DAPK2: variants seen among roughly 807,000 people sequenced by gnomAD.
The protein encoded by DAPK2 is death associated protein kinase 2.
In DAPK2, 35 loss-of-function variants were observed where a neutral mutation model predicts 44.1. The observed-to-expected ratio is 0.79, with a 90% CI of 0.61 to 1.05. DAPK2 has a LOEUF of 1.05. Among genes scored for constraint, DAPK2 ranks in the 50% least tolerant of loss-of-function variants. The pLI is 0.00. For missense variants in DAPK2, 453 were observed against 483.2 expected (o/e 0.94, Z 0.59); for synonymous variants, 174 against 182.6 (o/e 0.95, Z 0.38).
At chr15:63,970,397 A>G (rs947615409) in intron 3 of DAPK2, among the ~76,000 whole-genome samples, 2 of 151,838 alleles carry the variant, frequency 1.3e-5, no homozygotes, top group Non-Finnish European at 2.9e-5. Context: ...TTTCCTACCA[A>G]TCCTTCAGAA....
intron 1 of DAPK2, among the ~76,000 whole-genome samples, chr15:64,036,387 C>A (rs562348222): frequency 1.7e-5 from 2 of 119,408 alleles, no homozygotes; most frequent in East Asian, 5.4e-4. Context: ...GGAAAATGCC[C>A]ATATGCATGC....
chr15:63,951,638 C>T (rs1303839407), intron 3 of DAPK2, among the ~76,000 whole-genome samples: 1 of 152,094 alleles, frequency 6.6e-6, no homozygotes, highest in Non-Finnish European at 1.5e-5. Context: ...ATGGCCAGCT[C>T]CTAGTAGATG....
At position 63,983,653 on chromosome 15, in the gene DAPK2, C is replaced by A; in HGVS notation, c.194G>T (p.Gly65Val). The change falls in exon 2 of 11, where the codon GGT becomes GTT. Residue 65 changes from glycine (G) to valine (V), a missense_variant. Gly to Val is a moderately radical substitution (Grantham distance 109). Coordinates refer to ENST00000261891, the Ensembl canonical transcript of DAPK2. The stretch of plus-strand genomic sequence containing the variant: ...CCGCTCGATCTCCTCCCGGCTCACA[C>A]CGCGCCGGCTCGCCCGGCTCTGCCG... The A allele has an allele frequency of 1.9e-6, 3 of 1,614,194 alleles. No individual in the cohort carries two copies. In the South Asian group the frequency reaches 3.3e-5, roughly 18 times the overall value.
At chr15:63,973,347 G>T (rs74455827) in intron 2 of DAPK2, among the ~76,000 whole-genome samples, 2,363 of 152,360 alleles carry the variant, frequency 0.016, 33 homozygotes, top group Non-Finnish European at 0.021. Context: ...TATGGGCAGG[G>T]TTGCTCAAAG....
chr15:64,007,594 T>G (rs1408398847), intron 1 of DAPK2, among the ~76,000 whole-genome samples: 1 of 152,198 alleles, frequency 6.6e-6, no homozygotes, highest in Non-Finnish European at 1.5e-5. Flanking sequence ...AAAATCCCCT[T>G]GGATAGCTCT....
At chr15:63,959,625 G>A (rs746804122) in intron 3 of DAPK2, among the ~76,000 whole-genome samples, 21 of 152,118 alleles carry the variant, frequency 1.4e-4, no homozygotes, top group Middle Eastern at 3.2e-3. Context: ...TGTGGTTTTC[G>A]TCTTTGGTTC....
intron 1 of DAPK2, among the ~76,000 whole-genome samples, chr15:64,016,883 GGAAGGAAGGAAGGAA>G (rs2079546863): frequency 6.9e-6 from 1 of 145,250 alleles, no homozygotes; most frequent in Admixed American, 6.8e-5. Flanking sequence ...AAGGAAGGAA[GGAAGGAAGGAAGGAA>G]GGACGGACAT....
intron 3 of DAPK2, among the ~76,000 whole-genome samples, chr15:63,942,592 C>A (rs890852843): frequency 2.6e-5 from 4 of 151,180 alleles, no homozygotes; most frequent in Non-Finnish European, 4.4e-5. Context: ...AAAAAACAAA[C>A]AAAAAAAAGA....
rs1256946114 is a variant in DAPK2, at chr15:63,908,783, G to T, written c.1033-183C>A. On this transcript the variant is annotated intron_variant, in intron 10 of 10. Transcript: ENST00000261891. This position sits in a 1 kb window ranked among gnomAD's most constrained non-coding sequence, Gnocchi z 5.7. Reference sequence around the variant, plus strand: ...GGGGGATGGGAGGGATCTGAAACGAGGCCAGACCAACTGCTTGGAGGAAGG... The same window carrying T: ...GGGGGATGGGAGGGATCTGAAACGATGCCAGACCAACTGCTTGGAGGAAGG... The T allele has an allele frequency of 2.3e-6, 1 of 433,992 alleles. No individual in the cohort carries two copies. The highest frequency in any genetic ancestry group is 4.1e-6 in the Non-Finnish European group (1 of 245,854). The allele number at this position is 433,992 out of a possible 1,614,324, so 26.9% of individuals were successfully genotyped here.
At chr15:63,983,827 C>G in intron 1 of DAPK2, 73 bp from the exon 3 acceptor site, 1 of 1,407,270 alleles carries the variant, frequency 7.1e-7, no homozygotes, top group African/African-American at 1.4e-5. Context: ...TGTCAGCTAC[C>G]AGGTCACACA....
At chr15:64,026,397 C>A (rs1351080796) in intron 1 of DAPK2, among the ~76,000 whole-genome samples, 1 of 152,114 alleles carries the variant, frequency 6.6e-6, no homozygotes, top group Non-Finnish European at 1.5e-5. Context: ...GCGCATGCCA[C>A]CACACCAGGC....
chr15:63,943,795 G>C (rs914737959), intron 3 of DAPK2, among the ~76,000 whole-genome samples: 2 of 152,156 alleles, frequency 1.3e-5, no homozygotes, highest in Non-Finnish European at 2.9e-5. Context: ...AGAATTGCTT[G>C]AACCCGGGAA....
chr15:64,010,449 C>A (rs1287082080), intron 1 of DAPK2, among the ~76,000 whole-genome samples: 1 of 152,178 alleles, frequency 6.6e-6, no homozygotes, highest in Non-Finnish European at 1.5e-5. Context: ...TTTTCAGGAG[C>A]AAGAAGTTAT....
chr15:64,043,786 C>T (rs1350411691), upstream of DAPK2, among the ~76,000 whole-genome samples: 3 of 152,208 alleles, frequency 2.0e-5, no homozygotes, highest in African/African-American at 7.2e-5. Context: ...CCATGGATAA[C>T]GTGAATTCCT....
intron 1 of DAPK2, among the ~76,000 whole-genome samples, chr15:64,002,601 T>A (rs1422240301): frequency 3.9e-5 from 6 of 152,204 alleles, no homozygotes; most frequent in Admixed American, 3.3e-4. Flanking sequence ...GAGGCTAATA[T>A]CTACCTATGT....
At chr15:64,037,775 G>A (rs1352581900) in intron 1 of DAPK2, among the ~76,000 whole-genome samples, 1 of 152,178 alleles carries the variant, frequency 6.6e-6, no homozygotes, top group African/African-American at 2.4e-5. Flanking sequence ...TCAAGTGAGA[G>A]GCCTGGAAGA....
At chr15:63,925,638 A>G (rs924411655) in intron 7 of DAPK2, among the ~76,000 whole-genome samples, 1 of 150,886 alleles carries the variant, frequency 6.6e-6, no homozygotes, top group African/African-American at 2.4e-5. Flanking sequence ...CAGACTGCAC[A>G]AGGTAATGAG....
chr15:63,915,409 T>A (rs1181922861), intron 8 of DAPK2, among the ~76,000 whole-genome samples: 1 of 152,232 alleles, frequency 6.6e-6, no homozygotes, highest in Non-Finnish European at 1.5e-5. Context: ...ATGAATGACC[T>A]TTGAGCCTAA....
chr15:63,953,400 A>T (rs374855361), intron 3 of DAPK2, among the ~76,000 whole-genome samples: 6 of 152,272 alleles, frequency 3.9e-5, no homozygotes, highest in African/African-American at 7.2e-5. Flanking sequence ...GGCTTATTTC[A>T]CTTAACATAA....
Sources: gnomAD v4.1 joint callset for allele counts (sites outside exome capture counted in the v4.1 genomes callset) on GRCh38, gnomAD v4.1.1 for gene constraint, Gnocchi (gnomAD v3.1) non-coding constraint, MANE v1.5 for transcripts, NCBI Gene and HGNC (gene_info 2026-07-23, HGNC 2026-07-21) for gene names.